PDE8A: variants seen among roughly 807,000 people sequenced by gnomAD.
The protein encoded by PDE8A is high affinity cAMP-specific and IBMX-insensitive 3',5'-cyclic phosphodiesterase 8A.
PDE8A carries 59 observed loss-of-function variants against 105.0 expected under a neutral mutation model. The observed-to-expected ratio is 0.56, with a 90% CI of 0.46 to 0.70. The LOEUF (loss-of-function observed/expected upper bound fraction) is 0.70, where lower values mean the gene tolerates loss of function less well. PDE8A is among the 30% of genes least tolerant of loss of function. PDE8A has a pLI of 0.00. For missense variants in PDE8A, 1,014 were observed against 1,045.9 expected (o/e 0.97, Z 0.42); for synonymous variants, 355 against 371.9 (o/e 0.95, Z 0.52).
intron 1 of PDE8A, among the ~76,000 whole-genome samples, chr15:84,997,612 GAC>G (rs996301225): frequency 1.3e-5 from 2 of 150,412 alleles, no homozygotes; most frequent in African/African-American, 4.9e-5. Flanking sequence ...TTTTTTTTGA[GAC>G]AGAGTTTTGC....
At chr15:84,997,355 G>A (rs2079996522) in intron 1 of PDE8A, among the ~76,000 whole-genome samples, 1 of 151,774 alleles carries the variant, frequency 6.6e-6, no homozygotes, top group Non-Finnish European at 1.5e-5. Flanking sequence ...CACCATGCCT[G>A]GCTAATTTTT....
chr15:85,009,286 T>C (rs1468038860), intron 1 of PDE8A, among the ~76,000 whole-genome samples: 1 of 152,174 alleles, frequency 6.6e-6, no homozygotes, highest in Non-Finnish European at 1.5e-5. Context: ...ATGTAAGAGA[T>C]GTAAAAACTA....
intron 1 of PDE8A, among the ~76,000 whole-genome samples, chr15:85,035,628 TAATA>T (rs568332098): frequency 7.9e-5 from 12 of 152,296 alleles, no homozygotes; most frequent in South Asian, 2.1e-4. Flanking sequence ...AATTCAAAAC[TAATA>T]AATAAATGAA....
chr15:85,017,807 A>G (rs1596446899), intron 1 of PDE8A, among the ~76,000 whole-genome samples: 3 of 142,722 alleles, frequency 2.1e-5, no homozygotes, highest in Middle Eastern at 7.9e-3. Context: ...GAATTATTTG[A>G]ACCTGGGAGA....
Position 85,139,136 on chromosome 15 carries a change from T to TAA in PDE8A, c.*1234_*1235dup, listed in dbSNP as rs2082462701. 6.6e-6 allele frequency: 1 copy of TAA among 152,220 alleles called. No individual in the cohort carries two copies. The highest frequency in any genetic ancestry group is 1.5e-5 in the Non-Finnish European group (1 of 68,040). 9.4% of individuals were successfully genotyped at this position (152,220 alleles called of 1,614,324 possible). A position where few individuals can be genotyped will look rare whatever the true frequency, so the allele number is the denominator to read the frequency against. The stretch of plus-strand genomic sequence containing the variant: ...AAAATGAAATTAAACCATTTCTTTT[T>TAA]AAGAAATCATGTTTTATCATCTTTT... On this transcript the variant is annotated 3_prime_UTR_variant, in exon 22 of 22. Transcript: ENST00000394553.
At chr15:85,047,252 A>G (rs753661615) in intron 1 of PDE8A, among the ~76,000 whole-genome samples, 30 of 152,248 alleles carry the variant, frequency 2.0e-4, no homozygotes, top group Middle Eastern at 3.2e-3. Context: ...TGATTTCCAT[A>G]CATAAAGAAA....
At chr15:85,062,973 G>C (rs911367193) in intron 1 of PDE8A, 4 of 152,164 alleles carry the variant, frequency 2.6e-5, no homozygotes, top group African/African-American at 9.7e-5. Flanking sequence ...ACCAGTATGA[G>C]ACTGGCCCAT....
intron 1 of PDE8A, among the ~76,000 whole-genome samples, chr15:85,009,277 T>C (rs564379694): frequency 3.9e-4 from 60 of 152,292 alleles, no homozygotes; most frequent in African/African-American, 1.4e-3. Context: ...TACCTGTTAA[T>C]GTAAGAGATG....
At chr15:85,048,972 C>T (rs1392758689) in intron 1 of PDE8A, among the ~76,000 whole-genome samples, 5 of 152,030 alleles carry the variant, frequency 3.3e-5, no homozygotes, top group Non-Finnish European at 5.9e-5. Flanking sequence ...CGTGGTGGCT[C>T]ATGCCTGTAG....
chr15:85,097,986 A>C lies in PDE8A; in HGVS notation c.891A>C (p.Gly297=). 6.2e-7 allele frequency: 1 copy of C among 1,604,158 alleles called. No individual in the cohort carries two copies. The highest frequency in any genetic ancestry group is 8.5e-7 in the Non-Finnish European group (1 of 1,171,066). Residue 297 remains glycine (G), a synonymous_variant, in exon 9 of 22, where the codon GGA becomes GGC. Transcript: ENST00000394553. The part of the protein sequence containing the change: ...QGIYYAKKKN[G]DNIQQNVKII... ...TTTACTATGCCAAAAAGAAAAACGG[A>C]GATAATATACAACAAAATGTGAAGA...
chr15:85,095,074 C>G (rs2081720355), intron 8 of PDE8A, among the ~76,000 whole-genome samples: 1 of 152,104 alleles, frequency 6.6e-6, no homozygotes, highest in African/African-American at 2.4e-5. Context: ...ATTTAATTCT[C>G]AAGACAGCGG....
chr15:85,128,364 T>C (rs1292587388), intron 20 of PDE8A, among the ~76,000 whole-genome samples: 1 of 152,132 alleles, frequency 6.6e-6, no homozygotes, highest in African/African-American at 2.4e-5. Context: ...TTTTAATTAG[T>C]TGCCTGTGGT....
Position 85,115,454 on chromosome 15 carries a change from C to A in PDE8A, c.1366C>A (p.Leu456Ile). ...TTTTTATCAGGATGGTTTGCGAAGA[C>A]TATCAGGGAATGAATATGTTCTTTC... ...GGLMSDGLRR[L>I]SGNEYVLSTK... is the part of the protein sequence containing the mutation. The change falls in exon 15 of 22, where the codon CTA (leucine) becomes ATA (isoleucine). Residue 456 changes from leucine (L) to isoleucine (I), a missense_variant. Physicochemically the swap from Leu to Ile is conservative, Grantham distance 5. Coordinates refer to ENST00000394553, the MANE Select transcript of PDE8A (RefSeq NM_002605.3). The A allele has an allele frequency of 6.5e-7, 1 of 1,542,586 alleles. No individual in the cohort carries two copies. Among genetic ancestry groups the A allele is most frequent in the Non-Finnish European group, 8.7e-7 (1 of 1,144,824 alleles).
At chr15:85,109,733 A>T (rs1472154198) in intron 12 of PDE8A, among the ~76,000 whole-genome samples, 2 of 152,212 alleles carry the variant, frequency 1.3e-5, no homozygotes, top group Non-Finnish European at 2.9e-5. Context: ...CTGGTTCAAA[A>T]GACAAACTTT....
chr15:85,068,039 A>C, intron 3 of PDE8A, among the ~76,000 whole-genome samples: 1 of 150,988 alleles, frequency 6.6e-6, no homozygotes. Flanking sequence ...ATTGTAGCCC[A>C]GATTTCTTTT....
chr15:85,080,736 T>C (rs1178102282), intron 5 of PDE8A, among the ~76,000 whole-genome samples: 3 of 152,188 alleles, frequency 2.0e-5, no homozygotes, highest in Admixed American at 1.3e-4. Flanking sequence ...TACTGTGTTA[T>C]CATGGAGCTA....
intron 11 of PDE8A, among the ~76,000 whole-genome samples, chr15:85,105,723 C>G (rs1377732556): frequency 6.6e-6 from 1 of 152,210 alleles, no homozygotes; most frequent in Non-Finnish European, 1.5e-5. Context: ...TGAGCCCAAG[C>G]CCTGGCTATG....
intron 1 of PDE8A, among the ~76,000 whole-genome samples, chr15:85,006,234 G>C (rs530233160): frequency 1.3e-5 from 2 of 151,898 alleles, no homozygotes; most frequent in Admixed American, 6.6e-5. Flanking sequence ...GGCACATTGT[G>C]CACATGTACC....
chr15:84,995,610 C>G (rs2079963711), intron 1 of PDE8A, among the ~76,000 whole-genome samples: 1 of 152,174 alleles, frequency 6.6e-6, no homozygotes, highest in Non-Finnish European at 1.5e-5. Flanking sequence ...TGTGAGCTAC[C>G]ACGCCCAGTG....
Sources: gnomAD v4.1 joint callset for allele counts (sites outside exome capture counted in the v4.1 genomes callset) on GRCh38, gnomAD v4.1.1 for gene constraint, MANE v1.5 for transcripts, NCBI Gene and HGNC (gene_info 2026-07-23, HGNC 2026-07-21) for gene names.